The following PTGER3 variants were observed in gnomAD, a reference collection of about 807,000 sequenced individuals.
PTGER3 encodes prostaglandin E2 receptor EP3 subtype.
A neutral mutation model predicts 34.7 loss-of-function variants in PTGER3; 22 were observed. That is an observed-to-expected ratio of 0.63 (90% CI 0.45 to 0.91). The LOEUF (loss-of-function observed/expected upper bound fraction) is 0.91. Among genes scored for constraint, PTGER3 ranks in the 40% least tolerant of loss-of-function variants. The pLI is 0.00. For missense variants in PTGER3, 468 were observed against 519.4 expected (o/e 0.90, Z 0.96); for synonymous variants, 241 against 230.1 (o/e 1.05, Z -0.43).
chr1:70,989,160 A>C (rs1205185070), intron 2 of PTGER3, among the ~76,000 whole-genome samples: 1 of 152,190 alleles, frequency 6.6e-6, no homozygotes, highest in Admixed American at 6.5e-5. Flanking sequence ...GTGGCACAGG[A>C]AAGCGCTCAG....
At chr1:70,924,436 A>C (rs576208153) in intron 4 of PTGER3, among the ~76,000 whole-genome samples, 1 of 152,224 alleles carries the variant, frequency 6.6e-6, no homozygotes, top group African/African-American at 2.4e-5. Context: ...ATTTAGGCTA[A>C]CCCTGCTTAT....
intron 4 of PTGER3, among the ~76,000 whole-genome samples, chr1:70,873,640 A>G (rs2100554369): frequency 6.8e-6 from 1 of 147,504 alleles, no homozygotes; most frequent in South Asian, 2.2e-4. Context: ...TAGTGGCGAT[A>G]TGTGAGGTGC....
At chr1:70,927,030 C>T (rs561975418) in intron 4 of PTGER3, among the ~76,000 whole-genome samples, 1 of 152,390 alleles carries the variant, frequency 6.6e-6, no homozygotes, top group South Asian at 2.1e-4. Context: ...AGGGATGAAG[C>T]CCACTTGATC....
intron 2 of PTGER3, among the ~76,000 whole-genome samples, chr1:70,976,635 T>C (rs943780719): frequency 6.6e-6 from 1 of 152,116 alleles, no homozygotes; most frequent in Non-Finnish European, 1.5e-5. Context: ...CCAAGGCAAA[T>C]CTTGGCAAAT....
intron 4 of PTGER3, among the ~76,000 whole-genome samples, chr1:70,888,216 C>T (rs1317888628): frequency 6.6e-6 from 1 of 152,104 alleles, no homozygotes; most frequent in Non-Finnish European, 1.5e-5. Flanking sequence ...GAAGGGGCAT[C>T]AAAGTGATGG....
At chr1:70,900,484 T>C (rs150471835) in intron 4 of PTGER3, among the ~76,000 whole-genome samples, 1 of 152,312 alleles carries the variant, frequency 6.6e-6, no homozygotes, top group East Asian at 1.9e-4. Context: ...TATTTCAGTA[T>C]GCTTTTATAT....
At chr1:71,011,276 T>G in intron 2 of PTGER3, 1 of 985,252 alleles carries the variant, frequency 1.0e-6, no homozygotes, top group Non-Finnish European at 1.2e-6. Context: ...ATTAACTTTC[T>G]TATATAAATA....
intron 2 of PTGER3, among the ~76,000 whole-genome samples, chr1:70,998,998 G>A (rs1192496924): frequency 1.3e-5 from 2 of 151,942 alleles, no homozygotes; most frequent in African/African-American, 4.8e-5. Context: ...TGGCTAACAC[G>A]GTGAAACCCC....
exon 4 of PTGER3, chr1:70,953,014 G>A: frequency 1.9e-6 from 3 of 1,611,624 alleles, no homozygotes; most frequent in Non-Finnish European, 1.7e-6. Flanking sequence ...TGCCCACAAT[G>A]TGCAGTTGCC....
intron 1 of PTGER3, among the ~76,000 whole-genome samples, chr1:71,018,688 A>C (rs1483035678): frequency 6.6e-6 from 1 of 152,204 alleles, no homozygotes; most frequent in Non-Finnish European, 1.5e-5. Context: ...GATCAGGAAA[A>C]TTCACAAAAT....
chr1:70,932,078 T>G (rs1648758339), intron 4 of PTGER3, among the ~76,000 whole-genome samples: 1 of 152,160 alleles, frequency 6.6e-6, no homozygotes. Flanking sequence ...ATACCTTTAA[T>G]CATCTCTCTC....
At chr1:70,911,561 G>A (rs750515305) in intron 4 of PTGER3, among the ~76,000 whole-genome samples, 9 of 152,082 alleles carry the variant, frequency 5.9e-5, no homozygotes, top group Non-Finnish European at 1.3e-4. Flanking sequence ...TACTCAGAAA[G>A]TGTGAGTTCT....
At chr1:70,958,548 TGTTGA>T (rs1259551379) in intron 2 of PTGER3, among the ~76,000 whole-genome samples, 1 of 152,150 alleles carries the variant, frequency 6.6e-6, no homozygotes, top group Non-Finnish European at 1.5e-5. Context: ...GCCATTGAGT[TGTTGA>T]GTTTTTTATA....
chr1:70,999,474 T>C (rs1458787055), intron 2 of PTGER3, among the ~76,000 whole-genome samples: 1 of 152,202 alleles, frequency 6.6e-6, no homozygotes, highest in Non-Finnish European at 1.5e-5. Context: ...GGCAAGAATT[T>C]TTCTTTCTGA....
intron 4 of PTGER3, among the ~76,000 whole-genome samples, chr1:70,901,729 A>G (rs1429946300): frequency 6.6e-6 from 1 of 152,190 alleles, no homozygotes; most frequent in African/African-American, 2.4e-5. Context: ...CATGAAGGCA[A>G]CTGTGTACCT....
At chr1:70,900,312 G>C (rs1307051632) in intron 4 of PTGER3, among the ~76,000 whole-genome samples, 5 of 152,046 alleles carry the variant, frequency 3.3e-5, no homozygotes, top group Non-Finnish European at 7.4e-5. Flanking sequence ...GTTGGAGTTG[G>C]GGGGAAGGGG....
intron 2 of PTGER3, among the ~76,000 whole-genome samples, chr1:70,983,180 G>C (rs1028396066): frequency 6.6e-6 from 1 of 151,920 alleles, no homozygotes; most frequent in Non-Finnish European, 1.5e-5. Context: ...AGACCTGTCA[G>C]GTGACAGCCA....
intron 4 of PTGER3, among the ~76,000 whole-genome samples, chr1:70,887,436 G>C (rs1646521539): frequency 6.6e-6 from 1 of 152,114 alleles, no homozygotes; most frequent in African/African-American, 2.4e-5. Flanking sequence ...ACCCAAATGT[G>C]TGTAATTTGT....
intron 4 of PTGER3, among the ~76,000 whole-genome samples, chr1:70,945,307 G>A (rs1371451631): frequency 6.6e-6 from 1 of 152,128 alleles, no homozygotes; most frequent in East Asian, 1.9e-4. Context: ...CAGCTTTGCA[G>A]TTTTGTGAAA....
Sources: gnomAD v4.1 joint callset for allele counts (sites outside exome capture counted in the v4.1 genomes callset) on GRCh38, gnomAD v4.1.1 for gene constraint, MANE v1.5 for transcripts, NCBI Gene and HGNC (gene_info 2026-07-23, HGNC 2026-07-21) for gene names.